The following CHODL variants were observed in gnomAD, a reference collection of about 807,000 sequenced individuals.
The protein encoded by CHODL is chondrolectin, also known as transmembrane protein MT75.
A neutral mutation model predicts 34.5 loss-of-function variants in CHODL; 29 were observed. That is an observed-to-expected ratio of 0.84 (90% CI 0.63 to 1.15). The LOEUF (loss-of-function observed/expected upper bound fraction) is 1.15. Among genes scored for constraint, CHODL ranks in the 50% most tolerant of loss-of-function variants. The pLI is 0.00. For synonymous variants in CHODL, 125 were observed against 116.1 expected (o/e 1.08, Z -0.49); for missense variants, 332 against 332.5 (o/e 1.00, Z 0.01).
chr21:18,144,608 C>T (rs1439664399), intron 2 of CHODL, among the ~76,000 whole-genome samples: 2 of 152,120 alleles, frequency 1.3e-5, no homozygotes, highest in African/African-American at 2.4e-5. Flanking sequence ...ATACGACAAG[C>T]TCTCATAACT....
chr21:18,010,828 T>C (rs1216260216), intron 1 of CHODL, among the ~76,000 whole-genome samples: 2 of 152,242 alleles, frequency 1.3e-5, no homozygotes, highest in Non-Finnish European at 2.9e-5. Context: ...GAAAGATCCA[T>C]CAAGTTTTGA....
At chr21:18,068,705 C>T (rs528043196) in intron 2 of CHODL, among the ~76,000 whole-genome samples, 7 of 152,080 alleles carry the variant, frequency 4.6e-5, no homozygotes, top group South Asian at 2.1e-4. Context: ...ATATTCTGTC[C>T]GCTCTTGGTT....
At chr21:18,189,374 A>G (rs2073483935) in intron 2 of CHODL, among the ~76,000 whole-genome samples, 1 of 152,172 alleles carries the variant, frequency 6.6e-6, no homozygotes, top group Admixed American at 6.5e-5. Context: ...TGTATGCCAT[A>G]TGTTGTTTGT....
chr21:18,208,891 C>T, intron 2 of CHODL, among the ~76,000 whole-genome samples: 1 of 142,562 alleles, frequency 7.0e-6, no homozygotes, highest in East Asian at 2.3e-4. Flanking sequence ...CCCCTCTGTG[C>T]TGAGCTGCCT....
chr21:18,091,025 C>T (rs894380616), intron 2 of CHODL, among the ~76,000 whole-genome samples: 4 of 152,242 alleles, frequency 2.6e-5, no homozygotes, highest in African/African-American at 9.6e-5. Context: ...TGCAGAGAGA[C>T]TCTGCTCACT....
chr21:18,087,224 A>G (rs1378406791), intron 2 of CHODL, among the ~76,000 whole-genome samples: 1 of 152,200 alleles, frequency 6.6e-6, no homozygotes, highest in African/African-American at 2.4e-5. Context: ...AAGAAGCTGT[A>G]TAAGCAGTGT....
intron 1 of CHODL, among the ~76,000 whole-genome samples, chr21:17,970,321 C>A (rs756982250): frequency 6.6e-6 from 1 of 152,112 alleles, no homozygotes; most frequent in Non-Finnish European, 1.5e-5. Context: ...TTTCTGTCTT[C>A]GCCATCTTAT....
intron 1 of CHODL, among the ~76,000 whole-genome samples, chr21:18,019,603 A>G: frequency 6.6e-6 from 1 of 152,292 alleles, no homozygotes; most frequent in Non-Finnish European, 1.5e-5. Context: ...ATATATAACT[A>G]CTATATATCC....
At chr21:17,926,166 T>A (rs1467458356) in intron 1 of CHODL, among the ~76,000 whole-genome samples, 1 of 152,192 alleles carries the variant, frequency 6.6e-6, no homozygotes, top group Non-Finnish European at 1.5e-5. Context: ...AGCTTTCATA[T>A]TAGTCCAACT....
At chr21:17,976,620 C>A (rs1033563471) in intron 1 of CHODL, among the ~76,000 whole-genome samples, 1 of 152,164 alleles carries the variant, frequency 6.6e-6, no homozygotes, top group African/African-American at 2.4e-5. Flanking sequence ...TCAGCGTACA[C>A]TTGACACTGT....
rs892965341 is a variant in CHODL, at chr21:17,978,060, C to T, written c.-144-49812C>T. On this transcript the variant is annotated intron_variant, in intron 1 of 6. Coordinates refer to the CHODL transcript ENST00000400127. ...GGCTTAAATCAAACCCATCTGTTATCCCACAGTTCTGTAGGTCAGAAATCC... is the reference window on the plus strand; with the variant it reads ...GGCTTAAATCAAACCCATCTGTTATTCCACAGTTCTGTAGGTCAGAAATCC... 3.9e-5 allele frequency among the ~76,000 whole-genome samples: 6 copies of T among 152,110 alleles called. No individual in the cohort carries two copies. The East Asian group carries it at 1.2e-3, about 29-fold the overall frequency.
chr21:18,247,563 A>C (rs969564015), intron 1 of CHODL, among the ~76,000 whole-genome samples: 2 of 152,254 alleles, frequency 1.3e-5, no homozygotes, highest in Admixed American at 6.5e-5. Context: ...AAGAAATGAC[A>C]TTTCAAACAA....
intron 1 of CHODL, among the ~76,000 whole-genome samples, chr21:18,016,946 C>T (rs976729452): frequency 6.6e-6 from 1 of 152,220 alleles, no homozygotes; most frequent in African/African-American, 2.4e-5. Flanking sequence ...GCCTGCGGCC[C>T]CATTGTTTTG....
chr21:18,086,982 G>T (rs1043561461), intron 2 of CHODL, among the ~76,000 whole-genome samples: 1 of 152,168 alleles, frequency 6.6e-6, no homozygotes, highest in Admixed American at 6.5e-5. Context: ...CCATGTGGGT[G>T]TTCCTGGTAG....
At chr21:18,230,837 A>G (rs2073972028) in intron 2 of CHODL, among the ~76,000 whole-genome samples, 3 of 152,152 alleles carry the variant, frequency 2.0e-5, no homozygotes. Context: ...TTATAGACTA[A>G]AATTATTTTT....
intron 1 of CHODL, among the ~76,000 whole-genome samples, chr21:17,933,063 T>C (rs2063288218): frequency 6.6e-6 from 1 of 152,180 alleles, no homozygotes; most frequent in South Asian, 2.1e-4. Context: ...TCTCAATGCC[T>C]TAAAGAGCAG....
chr21:18,010,718 CAAAAACAAACCACTTA>C (rs902261288), intron 1 of CHODL, among the ~76,000 whole-genome samples: 1 of 152,084 alleles, frequency 6.6e-6, no homozygotes, highest in Non-Finnish European at 1.5e-5. Context: ...TTGTGAGAGA[CAAAAACAAACCACTTA>C]AAAACAAACT....
chr21:17,957,124 T>G (rs966184683), intron 1 of CHODL, among the ~76,000 whole-genome samples: 8 of 152,148 alleles, frequency 5.3e-5, no homozygotes, highest in Non-Finnish European at 7.3e-5. Flanking sequence ...TTGTCCTGGA[T>G]TTTTCTCTCT....
At chr21:18,245,838 C>A in intron 1 of CHODL, 3 of 1,336,678 alleles carry the variant, frequency 2.2e-6, no homozygotes, top group Non-Finnish European at 3.1e-6. Context: ...TGGCAAGGAA[C>A]TGAAGTGTGG....
Sources: allele counts gnomAD v4.1 joint callset (sites outside exome capture counted in the v4.1 genomes callset), GRCh38; gene constraint gnomAD v4.1.1; transcripts MANE v1.5; gene names NCBI Gene and HGNC (gene_info 2026-07-23, HGNC 2026-07-21).